GRID2: variants seen among roughly 807,000 people sequenced by gnomAD.
The protein encoded by GRID2 is glutamate ionotropic receptor delta type subunit 2, also known as glutamate receptor ionotropic, delta-2.
GRID2 carries 33 observed loss-of-function variants against 114.8 expected under a neutral mutation model. The observed-to-expected ratio is 0.29, with a 90% CI of 0.22 to 0.38. GRID2 has a LOEUF of 0.38. GRID2 is among the 10% of genes least tolerant of loss of function. The pLI is 1.00. For missense variants in GRID2, 1,184 were observed against 1,257.7 expected (o/e 0.94, Z 0.89); for synonymous variants, 505 against 449.9 (o/e 1.12, Z -1.55).
At chr4:92,799,105 C>T (rs377137530) in intron 2 of GRID2, among the ~76,000 whole-genome samples, 2 of 151,924 alleles carry the variant, frequency 1.3e-5, no homozygotes, top group Non-Finnish European at 2.9e-5. Context: ...TTATTACATA[C>T]TCACCATAAT....
chr4:92,355,207 A>G (rs533349322), intron 1 of GRID2, among the ~76,000 whole-genome samples: 37 of 151,826 alleles, frequency 2.4e-4, no homozygotes, highest in Non-Finnish European at 4.3e-4. Context: ...CCATGGCCAC[A>G]TTACGTATGT....
chr4:93,616,873 T>C (rs995249195), intron 13 of GRID2, among the ~76,000 whole-genome samples: 3 of 141,942 alleles, frequency 2.1e-5, no homozygotes, highest in Admixed American at 2.1e-4. Flanking sequence ...TGGGCGCCTG[T>C]AGTCCCAGCT....
At chr4:92,531,570 GAA>G (rs1725357496) in intron 1 of GRID2, among the ~76,000 whole-genome samples, 1 of 152,094 alleles carries the variant, frequency 6.6e-6, no homozygotes, top group African/African-American at 2.4e-5. Context: ...TGTGTACACA[GAA>G]TAAGTGTTGA....
chr4:93,691,849 A>G (rs980665202), intron 14 of GRID2, among the ~76,000 whole-genome samples: 4 of 152,014 alleles, frequency 2.6e-5, no homozygotes, highest in African/African-American at 9.7e-5. Context: ...GAGATCTGAC[A>G]TATAATTTTA....
intron 7 of GRID2, among the ~76,000 whole-genome samples, chr4:93,233,565 A>G (rs971830174): frequency 1.4e-4 from 21 of 151,910 alleles, no homozygotes; most frequent in African/African-American, 5.1e-4. Flanking sequence ...GTGGTCTCGA[A>G]CTCCTGACCT....
intron 2 of GRID2, among the ~76,000 whole-genome samples, chr4:93,062,892 T>A (rs540258819): frequency 4.6e-5 from 7 of 151,986 alleles, no homozygotes; most frequent in Non-Finnish European, 1.0e-4. Context: ...TTCACTATCT[T>A]TAAAAGACAA....
intron 10 of GRID2, among the ~76,000 whole-genome samples, chr4:93,430,514 G>A (rs1256853323): frequency 6.6e-6 from 1 of 152,214 alleles, no homozygotes; most frequent in African/African-American, 2.4e-5. Context: ...CACTTAACAT[G>A]TGTTAATCAC....
chr4:93,152,946 T>C (rs914413667), intron 4 of GRID2, among the ~76,000 whole-genome samples: 5 of 152,126 alleles, frequency 3.3e-5, no homozygotes, highest in African/African-American at 1.2e-4. Flanking sequence ...CAGTGTTTAC[T>C]TGGAGGAAGA....
At chr4:93,624,292 G>A (rs549018755) in intron 13 of GRID2, among the ~76,000 whole-genome samples, 2 of 152,024 alleles carry the variant, frequency 1.3e-5, no homozygotes, top group African/African-American at 4.8e-5. Flanking sequence ...GTCTCTACTG[G>A]ATGATAATTT....
At chr4:93,323,337 G>A (rs930229085) in intron 8 of GRID2, among the ~76,000 whole-genome samples, 1 of 152,130 alleles carries the variant, frequency 6.6e-6, no homozygotes, top group Admixed American at 6.6e-5. Context: ...TGTCAGGTTT[G>A]TCAAAGATCA....
chr4:93,333,757 T>C (rs1393063041), intron 8 of GRID2, among the ~76,000 whole-genome samples: 1 of 152,192 alleles, frequency 6.6e-6, no homozygotes, highest in Non-Finnish European at 1.5e-5. Context: ...GAAACATCCC[T>C]GGCTTCTCTG....
intron 1 of GRID2, among the ~76,000 whole-genome samples, chr4:92,476,250 C>T (rs992669008): frequency 2.0e-5 from 3 of 152,096 alleles, no homozygotes; most frequent in Non-Finnish European, 2.9e-5. Context: ...TGGTCTCGAT[C>T]TCCTGACCTT....
In GRID2 at chr4:93,516,261, A is replaced by T. The variant is rs955420007; in HGVS notation, c.2193+850A>T. On this transcript the variant is annotated intron_variant, in intron 13 of 15. Transcript: ENST00000282020. ...GTCTGTGTTTCCTGTTCTAAAGGCAAACTCACTAATGTCATCCTAGAGGAT... is the reference window on the plus strand; with the variant it reads ...GTCTGTGTTTCCTGTTCTAAAGGCATACTCACTAATGTCATCCTAGAGGAT... 2.0e-5 allele frequency among the ~76,000 whole-genome samples: 3 copies of T among 152,248 alleles called. No homozygotes were observed. In the South Asian group the frequency reaches 6.2e-4, roughly 32 times the overall value.
At chr4:92,953,638 C>T (rs149733305) in intron 2 of GRID2, among the ~76,000 whole-genome samples, 67 of 152,128 alleles carry the variant, frequency 4.4e-4, no homozygotes, top group African/African-American at 1.4e-3. Flanking sequence ...TCAAGTCTCT[C>T]GACAGGGAAC....
At chr4:93,647,860 T>A (rs1182582399) in intron 14 of GRID2, among the ~76,000 whole-genome samples, 4 of 152,174 alleles carry the variant, frequency 2.6e-5, no homozygotes. Context: ...ATAAAATAGC[T>A]ATCATTTATT....
At chr4:92,807,990 T>A (rs1271961392) in intron 2 of GRID2, among the ~76,000 whole-genome samples, 1 of 151,938 alleles carries the variant, frequency 6.6e-6, no homozygotes, top group Non-Finnish European at 1.5e-5. Context: ...ATAATTAAAT[T>A]GAGGATTTTG....
chr4:93,596,008 G>A (rs1739042435), intron 13 of GRID2, among the ~76,000 whole-genome samples: 1 of 152,126 alleles, frequency 6.6e-6, no homozygotes, highest in South Asian at 2.1e-4. Flanking sequence ...GAGGTCCCGA[G>A]TAGTTAAGTA....
At chr4:92,783,062 A>C (rs916266315) in intron 2 of GRID2, among the ~76,000 whole-genome samples, 6 of 152,110 alleles carry the variant, frequency 3.9e-5, no homozygotes, top group Non-Finnish European at 7.4e-5. Context: ...TTGAGTTAAT[A>C]CATTATTATT....
At chr4:92,723,706 C>T (rs1467733058) in intron 2 of GRID2, among the ~76,000 whole-genome samples, 4 of 152,062 alleles carry the variant, frequency 2.6e-5, no homozygotes, top group Non-Finnish European at 5.9e-5. Context: ...TGAAGAATGG[C>T]CAGGATGTAG....
Sources: gnomAD v4.1 joint callset for allele counts (sites outside exome capture counted in the v4.1 genomes callset) on GRCh38, gnomAD v4.1.1 for gene constraint, MANE v1.5 for transcripts, NCBI Gene and HGNC (gene_info 2026-07-23, HGNC 2026-07-21) for gene names.